The following ZNF469 variants were observed in gnomAD, a reference collection of about 807,000 sequenced individuals.
ZNF469 encodes zinc finger protein 469.
A neutral mutation model predicts 1.0 loss-of-function variants in ZNF469; 1 was observed. The ratio of observed to expected loss-of-function variants is 1.00; its 90% confidence interval spans 0.35 to 4.73. ZNF469 has a LOEUF of 4.73. ZNF469 is among the 30% of genes most tolerant of loss of function. ZNF469 has a pLI of 0.16. For synonymous variants in ZNF469, 2,703 were observed against 2,363.4 expected (o/e 1.14, Z -4.17); for missense variants, 6,100 against 5,356.3 (o/e 1.14, Z -4.33).
At chr16:88,156,151 C>A in the ZNF469 span, among the ~76,000 whole-genome samples, 1 of 152,166 alleles carries the variant, frequency 6.6e-6, no homozygotes, top group African/African-American at 2.4e-5. Context: ...GATACATGTT[C>A]CTTATCAGAT....
At chr16:88,319,081 G>C in the ZNF469 span, among the ~76,000 whole-genome samples, 1 of 152,320 alleles carries the variant, frequency 6.6e-6, no homozygotes, top group East Asian at 1.9e-4. Context: ...GCTGGGGCAG[G>C]ATGGGACTCT....
At chr16:88,383,676 C>G (rs997315951) in intron 1 of ZNF469, among the ~76,000 whole-genome samples, 9 of 151,084 alleles carry the variant, frequency 6.0e-5, no homozygotes, top group African/African-American at 1.5e-4. Flanking sequence ...GGATCGGAGC[C>G]GGGGGTGCCC....
At chr16:88,204,743 C>G in the ZNF469 span, among the ~76,000 whole-genome samples, 1 of 152,182 alleles carries the variant, frequency 6.6e-6, no homozygotes, top group African/African-American at 2.4e-5. Flanking sequence ...AATGACTTTG[C>G]TTGGCCTTCT....
rs1002006017 is a variant in ZNF469, at chr16:88,436,915, G to A, written c.9445G>A (p.Val3149Met). The change falls in exon 3 of 3, where the codon GTG (valine) becomes ATG (methionine). Residue 3149 changes from valine (V) to methionine (M), a missense_variant. By Grantham distance (21) the Val-to-Met change is conservative (BLOSUM62 1). Coordinates refer to ENST00000565624, the MANE Select transcript of ZNF469 (RefSeq NM_001367624.2). ...GCCGCCGCCCACCTGCTACATGTGCGTGGAGCGCAGGTTTGGCTCGCGGGA... is the reference window on the plus strand; with the variant it reads ...GCCGCCGCCCACCTGCTACATGTGCATGGAGCGCAGGTTTGGCTCGCGGGA... Reference protein sequence around the residue: ...PAPPPTCYMCVERRFGSRELL... With the variant: ...PAPPPTCYMCMERRFGSRELL... The A allele has an allele frequency of 2.0e-5, 30 of 1,500,170 alleles. No individual in the cohort carries two copies. Among genetic ancestry groups the A allele is most frequent in the African/African-American group, 2.8e-5 (2 of 71,984 alleles). The allele number at this position is 1,500,170 out of a possible 1,614,324, so 92.9% of individuals were successfully genotyped here.
chr16:88,286,244 C>A, the ZNF469 span, among the ~76,000 whole-genome samples: 1 of 152,386 alleles, frequency 6.6e-6, no homozygotes, highest in South Asian at 2.1e-4. Context: ...ACCACAGAGT[C>A]CTGAATGGAT....
At chr16:88,161,866 C>G in the ZNF469 span, among the ~76,000 whole-genome samples, 1 of 152,302 alleles carries the variant, frequency 6.6e-6, no homozygotes, top group Admixed American at 6.5e-5. Flanking sequence ...ATGTCCTGCA[C>G]TTGGGCAAGA....
chr16:88,211,803 T>C, the ZNF469 span, among the ~76,000 whole-genome samples: 1 of 152,336 alleles, frequency 6.6e-6, no homozygotes, highest in Admixed American at 6.5e-5. Context: ...AGTTTCCTAT[T>C]AGAATGTTTG....
the ZNF469 span, among the ~76,000 whole-genome samples, chr16:88,285,446 G>T: frequency 6.6e-6 from 1 of 152,230 alleles, no homozygotes. Context: ...AGTGTGGGAG[G>T]CCACACTGTC....
At chr16:88,305,284 GCACA>G in the ZNF469 span, among the ~76,000 whole-genome samples, 9 of 116,432 alleles carry the variant, frequency 7.7e-5, no homozygotes, top group Admixed American at 6.2e-4. Flanking sequence ...ATGCTCTCAG[GCACA>G]CACACACGCA....
the ZNF469 span, among the ~76,000 whole-genome samples, chr16:88,198,883 G>T: frequency 6.6e-6 from 1 of 152,242 alleles, no homozygotes. Context: ...GGCTCACATT[G>T]GGTCAGCGTT....
At chr16:88,237,726 C>T in the ZNF469 span, among the ~76,000 whole-genome samples, 13 of 89,222 alleles carry the variant, frequency 1.5e-4, no homozygotes, top group East Asian at 5.9e-4. Context: ...CCCTGCCCTC[C>T]GTGCTCCTGC....
chr16:88,432,699 C>A lies in ZNF469; in HGVS notation c.5229C>A (p.Pro1743=), dbSNP rs192819567. 1.4e-4 allele frequency: 218 copies of A among 1,550,418 alleles called. No homozygotes were observed. The African/African-American group carries it at 2.3e-3, about 16-fold the overall frequency. The change falls in exon 3 of 3, where the codon CCC becomes CCA. Residue 1743 remains proline (P), a synonymous_variant. Coordinates refer to ENST00000565624, the MANE Select transcript of ZNF469 (RefSeq NM_001367624.2). ...CCGGGAGTTTAGCAAAGTGCAGCCC[C>A]GACCAGGAACTTTCATTTCCTAAGA... ...LDAGSLAKCS[P]DQELSFPKNK...
rs1262959892 is a variant in ZNF469 at position 88,383,092 on chromosome 16, G to T, written c.-354G>T. On this transcript the variant is annotated 5_prime_UTR_variant, in exon 1 of 3. Coordinates refer to ENST00000565624, the MANE Select transcript of ZNF469 (RefSeq NM_001367624.2). Reference sequence around the variant, plus strand: ...CTCTCCTCCCACCCCGCCCCGAGGCGCAGCGCGCGGCAGAGCGGCTCGGTG... The same window carrying T: ...CTCTCCTCCCACCCCGCCCCGAGGCTCAGCGCGCGGCAGAGCGGCTCGGTG... 6.7e-6 allele frequency among the ~76,000 whole-genome samples: 1 copy of T among 150,358 alleles called. No homozygotes were observed. Among genetic ancestry groups the T allele is most frequent in the Non-Finnish European group, 1.5e-5 (1 of 67,394 alleles).
chr16:88,163,837 T>A, the ZNF469 span, among the ~76,000 whole-genome samples: 1 of 150,330 alleles, frequency 6.7e-6, no homozygotes, highest in African/African-American at 2.5e-5. Context: ...GGATGGTAGA[T>A]GTACAGACGG....
chr16:88,206,254 C>T, the ZNF469 span, among the ~76,000 whole-genome samples: 6 of 152,340 alleles, frequency 3.9e-5, no homozygotes, highest in East Asian at 3.9e-4. Flanking sequence ...GCCGTGGTCC[C>T]GGCCCCTCTC....
chr16:88,307,692 T>G, the ZNF469 span, among the ~76,000 whole-genome samples: 1 of 152,242 alleles, frequency 6.6e-6, no homozygotes, highest in Non-Finnish European at 1.5e-5. Flanking sequence ...AGTTGGATTC[T>G]TGTCTTTTTA....
the ZNF469 span, among the ~76,000 whole-genome samples, chr16:88,368,382 G>T: frequency 1.3e-5 from 2 of 152,234 alleles, no homozygotes; most frequent in Non-Finnish European, 2.9e-5. Flanking sequence ...CGAGCTCCTT[G>T]CAGGGGCTCT....
At chr16:88,190,013 C>T in the ZNF469 span, among the ~76,000 whole-genome samples, 1 of 151,200 alleles carries the variant, frequency 6.6e-6, no homozygotes. Flanking sequence ...AATTTCCCAC[C>T]CCACCCACCC....
At chr16:88,256,074 G>A in the ZNF469 span, among the ~76,000 whole-genome samples, 1 of 152,200 alleles carries the variant, frequency 6.6e-6, no homozygotes, top group Non-Finnish European at 1.5e-5. Flanking sequence ...CTCCTGCTCT[G>A]TCATACATCA....
Sources: allele counts gnomAD v4.1 joint callset (sites outside exome capture counted in the v4.1 genomes callset), GRCh38; gene constraint gnomAD v4.1.1; transcripts MANE v1.5; gene names NCBI Gene and HGNC (gene_info 2026-07-23, HGNC 2026-07-21).